The following ASIC2 variants were observed in gnomAD, a reference collection of about 807,000 sequenced individuals.
ASIC2 encodes the protein acid sensing ion channel subunit 2.
A neutral mutation model predicts 57.3 loss-of-function variants in ASIC2; 25 were observed. The observed-to-expected ratio is 0.44, with a 90% CI of 0.32 to 0.61. The LOEUF (loss-of-function observed/expected upper bound fraction) is 0.61. Among genes scored for constraint, ASIC2 ranks in the 20% least tolerant of loss-of-function variants. The pLI is 0.06. For synonymous variants in ASIC2, 319 were observed against 307.5 expected, an observed-to-expected ratio of 1.04 and a Z score of -0.39; for missense variants, 641 against 738.1, an observed-to-expected ratio of 0.87 and a Z score of 1.52.
chr17:33,744,300 T>C lies in ASIC2; in HGVS notation c.555+411678A>G, dbSNP rs138382272. On this transcript the variant is annotated intron_variant, in intron 1 of 9. Transcript: ENST00000359872. ...GGACCAAACTGCTGAGCAATTTATG[T>C]CTTAAGGTGTTGTTGAAAACAGCAA... is the stretch of plus-strand genomic sequence containing the variant. Among the ~76,000 whole-genome samples the C allele has an allele frequency of 3.0e-3, 464 of 152,300 alleles. 3 individuals are homozygous for C. The highest frequency in any genetic ancestry group is 0.011 in the African/African-American group (447 of 41,548).
At chr17:34,049,992 G>A (rs1355945563) in intron 1 of ASIC2, among the ~76,000 whole-genome samples, 1 of 152,156 alleles carries the variant, frequency 6.6e-6, no homozygotes, top group Non-Finnish European at 1.5e-5. Context: ...GCATGGTTTG[G>A]CACATGGAAA....
chr17:33,390,475 A>G (rs1909850305), intron 1 of ASIC2, among the ~76,000 whole-genome samples: 2 of 152,196 alleles, frequency 1.3e-5, no homozygotes, highest in African/African-American at 4.8e-5. Flanking sequence ...TGTGGCTTAA[A>G]AAACTCACCA....
At chr17:33,708,131 G>T (rs1242333434) in intron 1 of ASIC2, among the ~76,000 whole-genome samples, 1 of 152,196 alleles carries the variant, frequency 6.6e-6, no homozygotes, top group African/African-American at 2.4e-5. Flanking sequence ...GAATGTGGGG[G>T]TCTAATTATT....
chr17:34,021,775 A>G (rs1907166232), intron 1 of ASIC2, among the ~76,000 whole-genome samples: 1 of 150,752 alleles, frequency 6.6e-6, no homozygotes, highest in African/African-American at 2.4e-5. Context: ...AGAAATTATA[A>G]CTCAACTGAC....
chr17:33,132,370 G>A (rs948216164), intron 1 of ASIC2, among the ~76,000 whole-genome samples: 4 of 152,074 alleles, frequency 2.6e-5, no homozygotes, highest in South Asian at 2.1e-4. Context: ...AAATAAAACC[G>A]GTTAAGTGTT....
At chr17:33,112,288 T>A (rs2092261692) in intron 1 of ASIC2, 2 of 554,180 alleles carry the variant, frequency 3.6e-6, no homozygotes, top group Admixed American at 6.9e-5. Context: ...CCCTTTGGGG[T>A]TTGTTGCAGT....
At chr17:33,733,856 G>A (rs1383081573) in intron 1 of ASIC2, among the ~76,000 whole-genome samples, 2 of 152,128 alleles carry the variant, frequency 1.3e-5, no homozygotes, top group African/African-American at 4.8e-5. Context: ...CCCTGAACCT[G>A]AGAAGAGGAT....
At chr17:34,021,483 C>G (rs1471621318) in intron 1 of ASIC2, among the ~76,000 whole-genome samples, 1 of 152,176 alleles carries the variant, frequency 6.6e-6, no homozygotes, top group Non-Finnish European at 1.5e-5. Flanking sequence ...TAGGGCAGGG[C>G]TCTGGAATCT....
At chr17:33,890,663 T>C (rs1914940413) in intron 1 of ASIC2, among the ~76,000 whole-genome samples, 1 of 152,188 alleles carries the variant, frequency 6.6e-6, no homozygotes, top group Non-Finnish European at 1.5e-5. Context: ...GGCCTAGTCC[T>C]GGCCCTACCC....
chr17:33,791,481 C>T lies in ASIC2; in HGVS notation c.555+364497G>A, dbSNP rs576268410. ...GGAACTGGATTCCAACAAGGTCTGC[C>T]CTCCAAAAAATTCAGTACAGTAGCC... On this transcript the variant is annotated intron_variant, in intron 1 of 9. Coordinates refer to the ASIC2 transcript ENST00000359872. Among the ~76,000 whole-genome samples the T allele has an allele frequency of 1.1e-3, 161 of 152,220 alleles. 1 individual carries two copies. Among genetic ancestry groups the T allele is most frequent in the African/African-American group, 3.5e-3 (147 of 41,538 alleles).
intron 2 of ASIC2, among the ~76,000 whole-genome samples, chr17:33,098,599 C>T (rs2092194533): frequency 6.6e-6 from 1 of 152,172 alleles, no homozygotes; most frequent in South Asian, 2.1e-4. Context: ...GAGATGCTAC[C>T]AAGTGTCCAC....
chr17:33,415,770 G>C (rs750068519), intron 1 of ASIC2, among the ~76,000 whole-genome samples: 1 of 152,196 alleles, frequency 6.6e-6, no homozygotes, highest in Non-Finnish European at 1.5e-5. Context: ...GGATGAAAGA[G>C]AAAGGATTCT....
At chr17:33,069,898 C>A (rs1023225170) in intron 3 of ASIC2, among the ~76,000 whole-genome samples, 1 of 152,114 alleles carries the variant, frequency 6.6e-6, no homozygotes, top group Non-Finnish European at 1.5e-5. Flanking sequence ...CTACTAGTCC[C>A]ATTTTTTTCT....
At chr17:33,747,222 C>CTTTT (rs61564362) in intron 1 of ASIC2, among the ~76,000 whole-genome samples, 14 of 116,786 alleles carry the variant, frequency 1.2e-4, no homozygotes, top group Admixed American at 1.8e-4. Context: ...ATCCAGCCGT[C>CTTTT]TTTTTTTTTT....
chr17:33,020,514 T>G (rs2091831051), intron 7 of ASIC2, among the ~76,000 whole-genome samples: 1 of 152,146 alleles, frequency 6.6e-6, no homozygotes, highest in South Asian at 2.1e-4. Context: ...AGAGAAGGGC[T>G]CTAGAGTCAA....
At chr17:33,173,789 G>T (rs1048507757) in intron 1 of ASIC2, among the ~76,000 whole-genome samples, 1 of 152,202 alleles carries the variant, frequency 6.6e-6, no homozygotes, top group African/African-American at 2.4e-5. Flanking sequence ...GGACTGCCAT[G>T]AGAATCACAT....
intron 1 of ASIC2, among the ~76,000 whole-genome samples, chr17:33,617,875 G>A (rs768969079): frequency 2.6e-5 from 4 of 152,122 alleles, no homozygotes; most frequent in Admixed American, 6.5e-5. Flanking sequence ...TATTTGTCCC[G>A]ATTGCTTCAC....
At chr17:33,362,998 G>C (rs2141932409) in intron 1 of ASIC2, among the ~76,000 whole-genome samples, 2 of 152,264 alleles carry the variant, frequency 1.3e-5, no homozygotes, top group South Asian at 2.1e-4. Context: ...TAATGACTTT[G>C]ATAATAATTT....
chr17:33,893,054 C>T (rs1474462120), intron 1 of ASIC2, among the ~76,000 whole-genome samples: 5 of 152,208 alleles, frequency 3.3e-5, no homozygotes, highest in Admixed American at 3.3e-4. Flanking sequence ...TTTCATTACA[C>T]TTCAACTTCC....
Sources: gnomAD v4.1 joint callset for allele counts (sites outside exome capture counted in the v4.1 genomes callset) on GRCh38, gnomAD v4.1.1 for gene constraint, MANE v1.5 for transcripts, NCBI Gene and HGNC (gene_info 2026-07-23, HGNC 2026-07-21) for gene names.